The following SCEL variants were observed in gnomAD, a reference collection of about 807,000 sequenced individuals.
SCEL encodes the protein sciellin.
Under a neutral mutation model 117.6 loss-of-function variants are expected in SCEL, and 113 were observed. The observed-to-expected ratio is 0.96, with a 90% confidence interval of 0.83 to 1.12. The LOEUF is 1.12. SCEL is among the 50% of genes most tolerant of loss of function. The pLI is 0.00. For missense variants in SCEL, 785 were observed against 810.8 expected, an observed-to-expected ratio of 0.97 and a Z score of 0.39; for synonymous variants, 270 against 256.2, an observed-to-expected ratio of 1.05 and a Z score of -0.51.
intron 1 of SCEL, among the ~76,000 whole-genome samples, chr13:77,542,478 C>G (rs1393877725): frequency 6.6e-6 from 1 of 152,198 alleles, no homozygotes; most frequent in Non-Finnish European, 1.5e-5. Flanking sequence ...GTGCTACATT[C>G]TGGACTCTTG....
At chr13:77,637,049 T>G (rs1290623613) in intron 29 of SCEL, 71 bp from the exon 30 acceptor site, 1 of 676,398 alleles carries the variant, frequency 1.5e-6, no homozygotes, top group East Asian at 3.2e-5. Flanking sequence ...CATGAGGTGG[T>G]GTGAGTGTGT....
At chr13:77,564,428 A>G (rs1050983932) in intron 5 of SCEL, among the ~76,000 whole-genome samples, 3 of 152,238 alleles carry the variant, frequency 2.0e-5, no homozygotes, top group South Asian at 2.1e-4. Flanking sequence ...AATGAGTCCA[A>G]CGTGTGTGCC....
rs1288255459 is a variant in SCEL, at chr13:77,617,988, T to C, written c.1572-16T>C. 1 of 1,612,556 alleles carries C rather than the reference T, an allele frequency of 6.2e-7. No individual in the cohort carries two copies. The highest frequency in any genetic ancestry group is 8.5e-7 in the Non-Finnish European group (1 of 1,178,780). On this transcript the variant is annotated splice_polypyrimidine_tract_variant and intron_variant, in intron 26 of 32. Coordinates refer to ENST00000349847, the MANE Select transcript of SCEL (RefSeq NM_144777.3). ...TATTACCAATCTGAACTTTTTTCTCTCTCTCTTTTAAACAGCCAAGACTTG... is the reference window on the plus strand; with the variant it reads ...TATTACCAATCTGAACTTTTTTCTCCCTCTCTTTTAAACAGCCAAGACTTG...
intron 1 of SCEL, among the ~76,000 whole-genome samples, chr13:77,547,711 A>G (rs1370386246): frequency 6.6e-6 from 1 of 152,210 alleles, no homozygotes; most frequent in East Asian, 1.9e-4. Context: ...CAGACCCAAC[A>G]TTCTGCCATA....
chr13:77,580,503 A>G (rs1273999774), intron 9 of SCEL, among the ~76,000 whole-genome samples: 4 of 152,180 alleles, frequency 2.6e-5, no homozygotes, highest in Non-Finnish European at 4.4e-5. Context: ...TTTCTTTCTG[A>G]TTTCAGAACC....
intron 18 of SCEL, among the ~76,000 whole-genome samples, chr13:77,603,764 T>A (rs958565820): frequency 6.6e-6 from 1 of 152,222 alleles, no homozygotes; most frequent in Non-Finnish European, 1.5e-5. Flanking sequence ...TGAGCTGTTT[T>A]TTCTTGCCCT....
chr13:77,590,218 A>G (rs998916431), intron 10 of SCEL, among the ~76,000 whole-genome samples: 1 of 152,152 alleles, frequency 6.6e-6, no homozygotes, highest in African/African-American at 2.4e-5. Flanking sequence ...CAGCAGGACC[A>G]TGTAGCAATA....
At chr13:77,597,129 A>T in intron 12 of SCEL, 1 of 175,492 alleles carries the variant, frequency 5.7e-6, no homozygotes, top group South Asian at 1.4e-4. Flanking sequence ...GGTATTAAGT[A>T]TCTACTGTAT....
chr13:77,626,356 A>G (rs915540931), intron 27 of SCEL, among the ~76,000 whole-genome samples: 2 of 152,190 alleles, frequency 1.3e-5, no homozygotes, highest in African/African-American at 2.4e-5. Flanking sequence ...GGGTGGGGAC[A>G]CAAACCATAT....
intron 24 of SCEL, 89 bp downstream of exon 24, chr13:77,614,044 T>A: frequency 1.9e-6 from 2 of 1,073,174 alleles, no homozygotes; most frequent in Non-Finnish European, 2.8e-6. Flanking sequence ...ATGGGCAAAT[T>A]GAATATAAAT....
intron 29 of SCEL, 75 bp from the exon 30 acceptor site, chr13:77,637,045 G>T: frequency 1.5e-6 from 1 of 650,906 alleles, no homozygotes; most frequent in Non-Finnish European, 2.7e-6. Context: ...GCTTCATGAG[G>T]TGGTGTGAGT....
intron 9 of SCEL, among the ~76,000 whole-genome samples, chr13:77,575,564 G>A (rs578106995): frequency 4.1e-4 from 63 of 152,224 alleles, no homozygotes; most frequent in African/African-American, 1.5e-3. Flanking sequence ...GTTCAGACCT[G>A]GGTGATCAAA....
Position 77,642,727 on chromosome 13 carries a change from T to C in SCEL, c.1969T>C (p.Leu657=). Residue 657 remains leucine (L), a synonymous_variant, in exon 32 of 33, where the codon TTG becomes CTG. Coordinates refer to ENST00000349847, the MANE Select transcript of SCEL (RefSeq NM_144777.3). ...TTAGTGTGAAATATGCAAGCAGCCTTTGGAAAATCTACAAGCGGGTGATAG... is the reference window on the plus strand; with the variant it reads ...TTAGTGTGAAATATGCAAGCAGCCTCTGGAAAATCTACAAGCGGGTGATAG... ...CFKCEICKQP[L]ENLQAGDSIW... The C allele has an allele frequency of 6.3e-7, 1 of 1,598,636 alleles. No individual in the cohort carries two copies. Among genetic ancestry groups the C allele is most frequent in the Admixed American group, 1.7e-5 (1 of 57,312 alleles).
intron 9 of SCEL, among the ~76,000 whole-genome samples, chr13:77,584,602 T>G (rs1296694893): frequency 1.3e-5 from 2 of 152,202 alleles, no homozygotes; most frequent in Non-Finnish European, 2.9e-5. Context: ...AGTATGTCAT[T>G]AACATGACTG....
intron 1 of SCEL, among the ~76,000 whole-genome samples, chr13:77,544,815 G>A (rs1391468533): frequency 3.9e-5 from 6 of 152,188 alleles, no homozygotes; most frequent in African/African-American, 1.2e-4. Context: ...AAAGAGCTAC[G>A]AAAGTTGATT....
chr13:77,556,531 G>A, intron 2 of SCEL, 65 bp from the exon 3 acceptor site: 6 of 1,378,292 alleles, frequency 4.4e-6, no homozygotes, highest in Non-Finnish European at 5.2e-6. Flanking sequence ...GGATTTTCAG[G>A]TTAACAAGCC....
chr13:77,546,479 A>G (rs1319829551), intron 1 of SCEL, among the ~76,000 whole-genome samples: 2 of 152,218 alleles, frequency 1.3e-5, no homozygotes, highest in Non-Finnish European at 2.9e-5. Flanking sequence ...GATAATGTGC[A>G]TAAAACATGT....
intron 23 of SCEL, among the ~76,000 whole-genome samples, 189 bp from the exon 24 acceptor site, chr13:77,613,704 C>T (rs558665297): frequency 2.7e-5 from 4 of 150,420 alleles, no homozygotes; most frequent in South Asian, 2.1e-4. Context: ...GGGGTGGGGG[C>T]GGTGGTATTA....
chr13:77,640,509 T>C (rs947226987), intron 30 of SCEL, among the ~76,000 whole-genome samples, 167 bp from the exon 31 acceptor site: 4 of 152,192 alleles, frequency 2.6e-5, no homozygotes, highest in Non-Finnish European at 5.9e-5. Flanking sequence ...TAGAAGTCAA[T>C]TATATTACTA....
Sources: allele counts gnomAD v4.1 joint callset (sites outside exome capture counted in the v4.1 genomes callset), GRCh38; gene constraint gnomAD v4.1.1; transcripts MANE v1.5; gene names NCBI Gene and HGNC (gene_info 2026-07-23, HGNC 2026-07-21).